The following BGN variants were observed in gnomAD, a reference collection of about 807,000 sequenced individuals.
BGN encodes biglycan, also known as bone/cartilage proteoglycan-I.
A neutral mutation model predicts 20.0 loss-of-function variants in BGN; 6 were observed. That is an observed-to-expected ratio of 0.30 (90% CI 0.16 to 0.59). The LOEUF is 0.59. Among genes scored for constraint, BGN ranks in the 20% least tolerant of loss-of-function variants. BGN has a pLI of 0.88. For synonymous variants in BGN, 146 were observed against 134.6 expected (o/e 1.08, Z -0.59); for missense variants, 292 against 312.1 (o/e 0.94, Z 0.49).
intron 1 of BGN, among the ~76,000 whole-genome samples, chrX:153,504,262 C>T (rs375580849): frequency 9.8e-5 from 11 of 112,679 alleles, no homozygotes; most frequent in African/African-American, 1.6e-4. Flanking sequence ...GCCTCATGGA[C>T]GCCCCCGCCC....
At chrX:153,507,278 T>G in intron 7 of BGN, 93 bp downstream of exon 7, 3 of 1,050,875 alleles carry the variant, frequency 2.9e-6, no homozygotes, top group Non-Finnish European at 2.5e-6. Flanking sequence ...CTGGCCCTCC[T>G]TCCCGACCGG....
chrX:153,506,202 A>T (rs2089799194), intron 4 of BGN, 126 bp downstream of exon 4: 1 of 776,977 alleles, frequency 1.3e-6, no homozygotes, highest in Admixed American at 3.1e-5. Context: ...AAGAAAATCC[A>T]TGGATTTCTT....
intron 7 of BGN, among the ~76,000 whole-genome samples, chrX:153,507,844 A>G (rs1326848158): frequency 8.8e-6 from 1 of 113,422 alleles, no homozygotes; most frequent in East Asian, 2.8e-4. Flanking sequence ...GGGCTGCTAG[A>G]GGGCGAGCTC....
intron 4 of BGN, 61 bp downstream of exon 4, chrX:153,506,137 C>T: frequency 9.6e-7 from 1 of 1,043,526 alleles, no homozygotes; most frequent in South Asian, 1.9e-5. Flanking sequence ...GGAAGGGAGA[C>T]CAAGGGATAC....
chrX:153,507,069 A>G lies in BGN; in HGVS notation c.793A>G (p.Ile265Val), dbSNP rs188309404. The stretch of plus-strand genomic sequence containing the variant: ...CAGGCTGGGCCTAGGCCACAACCAG[A>G]TCAGGATGATCGAGAACGGGAGCCT... ...LYRLGLGHNQ[I>V]RMIENGSLSF... is the part of the protein sequence containing the mutation. Residue 265 changes from isoleucine (I) to valine (V), a missense_variant, in exon 7 of 8, where the codon ATC becomes GTC. By Grantham distance (29) the Ile-to-Val change is conservative (BLOSUM62 3). Coordinates refer to ENST00000331595, the MANE Select transcript of BGN (RefSeq NM_001711.6). The G allele has an allele frequency of 8.4e-5, 102 of 1,208,706 alleles. No homozygotes were observed. The highest frequency in any genetic ancestry group is 4.6e-4 in the Middle Eastern group (2 of 4,348).
At position 153,502,618 on chromosome X, in the gene BGN, G is replaced by A. The variant is rs564289115; in HGVS notation, c.-11-2003G>A. ...ACTTGGGGGCCAAGACCCTCCGGGC[G>A]GTTCCCCTAGGTTCTGCTGGGCCGG... On this transcript the variant is annotated intron_variant, in intron 1 of 7. Coordinates refer to ENST00000331595, the MANE Select transcript of BGN (RefSeq NM_001711.6). Among the ~76,000 whole-genome samples the A allele has an allele frequency of 1.2e-4, 14 of 112,990 alleles. No individual in the cohort carries two copies. In the South Asian group the frequency reaches 4.3e-3, roughly 34 times the overall value.
At chrX:153,504,302 G>A (rs1360766037) in intron 1 of BGN, among the ~76,000 whole-genome samples, 2 of 112,491 alleles carry the variant, frequency 1.8e-5, no homozygotes, top group South Asian at 3.6e-4. Context: ...ACTCAGAGGC[G>A]TGGGGGCCTG....
Position 153,507,109 on chromosome X carries a change from C to T in BGN, c.833C>T (p.Thr278Ile). The T allele has an allele frequency of 1.7e-6, 2 of 1,207,006 alleles. No individual in the cohort carries two copies. The highest frequency in any genetic ancestry group is 3.0e-5 in the East Asian group (1 of 33,676). ...AACGGGAGCCTGAGCTTCCTGCCCA[C>T]CCTCCGGGAGCTCCACTTGGACAAC... Reference protein sequence around the residue: ...IENGSLSFLPTLRELHLDNNK... With the variant: ...IENGSLSFLPILRELHLDNNK... The change falls in exon 7 of 8, where the codon ACC becomes ATC. Residue 278 changes from threonine to isoleucine, a missense_variant. Physicochemically the swap from Thr to Ile is moderately conservative, Grantham distance 89 (BLOSUM62 -1). Transcript: ENST00000331595.
chrX:153,497,431 G>A (rs893456163), intron 1 of BGN, among the ~76,000 whole-genome samples: 13 of 110,756 alleles, frequency 1.2e-4, no homozygotes, highest in Non-Finnish European at 1.5e-4. Flanking sequence ...CCACCCTGCC[G>A]ACCGGGCCTG....
At position 153,504,842 on chromosome X, in the gene BGN, C is replaced by A. The variant is rs2089787311; in HGVS notation, c.211C>A (p.Leu71Met). The stretch of plus-strand genomic sequence containing the variant: ...GTGTCCTTTCGGCTGCCACTGCCAC[C>A]TGCGGGTGGTTCAGTGCTCCGACCT... ...AMCPFGCHCH[L>M]RVVQCSDLGL... Residue 71 changes from leucine to methionine, a missense_variant, in exon 2 of 8, where the codon CTG (leucine) becomes ATG (methionine). Transcript: ENST00000331595. 8.3e-7 allele frequency: 1 copy of A among 1,208,963 alleles called. No homozygotes were observed. The highest frequency in any genetic ancestry group is 1.1e-6 in the Non-Finnish European group (1 of 894,953).
chrX:153,497,242 G>A (rs1315040602), intron 1 of BGN, among the ~76,000 whole-genome samples: 2 of 106,993 alleles, frequency 1.9e-5, no homozygotes, highest in African/African-American at 3.4e-5. Flanking sequence ...CCGAGCCCCC[G>A]ACAGGCCTGG....
At position 153,500,452 on chromosome X, in the gene BGN, C is replaced by T. The variant is rs1156983791; in HGVS notation, c.-11-4169C>T. On this transcript the variant is annotated intron_variant, in intron 1 of 7. Coordinates refer to ENST00000331595, the MANE Select transcript of BGN (RefSeq NM_001711.6). ...ATGAAGGGAAACTGAGGCCCAGAGG[C>T]CTCAGTTGTGGTGGTGGAGAGTTGA... Among the ~76,000 whole-genome samples, 3 of 112,027 alleles carry T rather than the reference C, an allele frequency of 2.7e-5. No homozygotes were observed. The Admixed American group carries it at 2.8e-4, about 11-fold the overall frequency.
rs189403223 is a variant in BGN, at chrX:153,504,100, G to A, written c.-11-521G>A. On this transcript the variant is annotated intron_variant, in intron 1 of 7. Transcript: ENST00000331595. ...AGGGAGGAAGCAACTCAGAGTCGCC[G>A]CACTCAACTAACTTCATCCACGCTG... Among the ~76,000 whole-genome samples, 822 of 112,114 alleles carry A rather than the reference G, an allele frequency of 7.3e-3. 6 individuals carry two copies. The highest frequency in any genetic ancestry group is 0.025 in the African/African-American group (759 of 30,877).
intron 7 of BGN, 60 bp downstream of exon 7, chrX:153,507,245 T>C: frequency 8.8e-7 from 1 of 1,135,357 alleles, no homozygotes; most frequent in Non-Finnish European, 1.2e-6. Flanking sequence ...GGCGTGTGTG[T>C]CCCCGGGCAG....
At chrX:153,501,967 C>T (rs1336633631) in intron 1 of BGN, among the ~76,000 whole-genome samples, 1 of 112,360 alleles carries the variant, frequency 8.9e-6, no homozygotes, top group East Asian at 2.8e-4. Context: ...CCCGGGAACC[C>T]GCCTGAGACC....
chrX:153,505,899 C>G lies in BGN; in HGVS notation c.388C>G (p.His130Asp). 8.3e-7 allele frequency: 1 copy of G among 1,211,767 alleles called. No homozygotes were observed. The highest frequency in any genetic ancestry group is 1.1e-6 in the Non-Finnish European group (1 of 895,484). The change falls in exon 4 of 8, where the codon CAT (histidine) becomes GAT (aspartate). Residue 130 changes from histidine (H) to aspartate (D), a missense_variant. His to Asp is a moderately conservative substitution (Grantham distance 81). Coordinates refer to ENST00000331595, the MANE Select transcript of BGN (RefSeq NM_001711.6). ...VLVNNKISKI[H>D]EKAFSPLRKL... ...GGTGAACAACAAGATCTCCAAGATC[C>G]ATGAGAAGGCCTTCAGCCCACTGCG... is the stretch of plus-strand genomic sequence containing the variant.
intron 2 of BGN, among the ~76,000 whole-genome samples, 179 bp from the exon 3 acceptor site, chrX:153,505,059 C>T (rs2089789115): frequency 9.0e-6 from 1 of 111,487 alleles, no homozygotes; most frequent in African/African-American, 3.3e-5. Flanking sequence ...CCCGTGTGCC[C>T]GTCAGTGTCC....
intron 1 of BGN, among the ~76,000 whole-genome samples, chrX:153,499,634 C>T (rs1005500203): frequency 3.6e-4 from 41 of 113,469 alleles, no homozygotes; most frequent in African/African-American, 1.3e-3. Flanking sequence ...CCCCTCCCCA[C>T]TCCAGCCCCC....
chrX:153,501,189 T>C (rs1449589416), intron 1 of BGN, among the ~76,000 whole-genome samples: 1 of 112,208 alleles, frequency 8.9e-6, no homozygotes, highest in Non-Finnish European at 1.9e-5. Flanking sequence ...TGCATCTGTG[T>C]GTGTGTTTGT....
Sources: allele counts gnomAD v4.1 joint callset (sites outside exome capture counted in the v4.1 genomes callset), GRCh38; gene constraint gnomAD v4.1.1; transcripts MANE v1.5; gene names NCBI Gene and HGNC (gene_info 2026-07-23, HGNC 2026-07-21).